DPP10: variants seen among roughly 807,000 people sequenced by gnomAD.
DPP10 encodes the protein inactive dipeptidyl peptidase 10.
DPP10 carries 33 observed loss-of-function variants against 120.9 expected under a neutral mutation model. The ratio of observed to expected loss-of-function variants is 0.27; its 90% confidence interval spans 0.21 to 0.37. The LOEUF (loss-of-function observed/expected upper bound fraction) is 0.37, where lower values mean the gene tolerates loss of function less well. Among genes scored for constraint, DPP10 ranks in the 10% least tolerant of loss-of-function variants. The pLI is 1.00. For synonymous variants in DPP10, 337 were observed against 326.1 expected (o/e 1.03, Z -0.36); for missense variants, 816 against 942.8 (o/e 0.87, Z 1.76).
chr2:115,807,537 CATT>C (rs1262322994), intron 19 of DPP10, among the ~76,000 whole-genome samples: 2 of 152,096 alleles, frequency 1.3e-5, no homozygotes, highest in Non-Finnish European at 2.9e-5. Flanking sequence ...TCATGATGGT[CATT>C]ATGCAGTTTT....
At chr2:115,374,408 C>G (rs1221601387) in intron 3 of DPP10, among the ~76,000 whole-genome samples, 1 of 152,184 alleles carries the variant, frequency 6.6e-6, no homozygotes, top group East Asian at 1.9e-4. Flanking sequence ...CAGGATACAG[C>G]CCTTTGGCTG....
intron 4 of DPP10, among the ~76,000 whole-genome samples, chr2:115,511,752 G>A (rs1333807170): frequency 1.5e-5 from 2 of 129,246 alleles, no homozygotes; most frequent in Non-Finnish European, 1.6e-5. Context: ...TTTTGACACA[G>A]GGTCTCACTC....
At chr2:115,055,346 T>G (rs7601518) in intron 1 of DPP10, among the ~76,000 whole-genome samples, 38,485 of 152,066 alleles carry the variant, frequency 0.25, 5,525 homozygotes, top group East Asian at 0.32. Flanking sequence ...TAATAAAACT[T>G]ACTCCAAAGA....
intron 1 of DPP10, among the ~76,000 whole-genome samples, chr2:114,767,632 A>G (rs1411766098): frequency 6.6e-6 from 1 of 152,204 alleles, no homozygotes; most frequent in Non-Finnish European, 1.5e-5. Flanking sequence ...GCTGCACATC[A>G]TAATTTCCAT....
chr2:115,378,164 A>G (rs2065966855), intron 3 of DPP10, among the ~76,000 whole-genome samples: 1 of 152,236 alleles, frequency 6.6e-6, no homozygotes, highest in African/African-American at 2.4e-5. Context: ...TTTTCACGCT[A>G]TTGATTCTTC....
intron 1 of DPP10, among the ~76,000 whole-genome samples, chr2:114,479,673 T>C (rs1680841484): frequency 6.6e-6 from 1 of 152,154 alleles, no homozygotes; most frequent in South Asian, 2.1e-4. Context: ...TATAGAAAGC[T>C]GAAACTGAAC....
At position 115,376,542 on chromosome 2, in the gene DPP10, T is replaced by A. The variant is rs180746066; in HGVS notation, c.271+32630T>A. Among the ~76,000 whole-genome samples, 1,354 of 151,228 alleles carry A rather than the reference T, an allele frequency of 9.0e-3. 12 individuals carry two copies. The highest frequency in any genetic ancestry group is 0.013 in the South Asian group (63 of 4,772). On this transcript the variant is annotated intron_variant, in intron 3 of 25. Coordinates refer to ENST00000410059, the MANE Select transcript of DPP10 (RefSeq NM_020868.6). ...CTAATAGTCCCTTTCTTTTTTTTTT[T>A]AAATTTTATTTATTTATTATTATTA...
At chr2:114,678,935 C>T (rs181851670) in intron 1 of DPP10, among the ~76,000 whole-genome samples, 118 of 152,130 alleles carry the variant, frequency 7.8e-4, no homozygotes, top group Middle Eastern at 3.4e-3. Context: ...CACACGGATG[C>T]GTCTCTTTGA....
At chr2:114,989,276 T>C (rs771238889) in intron 1 of DPP10, among the ~76,000 whole-genome samples, 34 of 152,240 alleles carry the variant, frequency 2.2e-4, no homozygotes, top group Non-Finnish European at 4.4e-4. Flanking sequence ...GGTTCTCTTA[T>C]ATTTTATGAA....
intron 1 of DPP10, among the ~76,000 whole-genome samples, chr2:114,631,389 A>G (rs1053605352): frequency 1.3e-5 from 2 of 152,150 alleles, no homozygotes; most frequent in Non-Finnish European, 2.9e-5. Flanking sequence ...TCTATCCTGA[A>G]GAAACCTGTG....
chr2:115,384,342 C>T (rs542691732), intron 3 of DPP10, among the ~76,000 whole-genome samples: 3 of 151,534 alleles, frequency 2.0e-5, no homozygotes, highest in African/African-American at 2.4e-5. Context: ...TGACTGCACT[C>T]CAGCCTAGAT....
At chr2:115,095,580 T>TTG (rs369634072) in intron 1 of DPP10, among the ~76,000 whole-genome samples, 6,422 of 103,670 alleles carry the variant, frequency 0.062, 201 homozygotes, top group Middle Eastern at 0.15. Flanking sequence ...TTTGGTTTTT[T>TTG]TTTTGTTTTT....
At chr2:114,962,768 A>G (rs1698741383) in intron 1 of DPP10, among the ~76,000 whole-genome samples, 1 of 152,220 alleles carries the variant, frequency 6.6e-6, no homozygotes, top group Non-Finnish European at 1.5e-5. Context: ...AAGGGTTGCA[A>G]AATGATTTGT....
At chr2:115,475,790 G>T (rs1224847235) in intron 3 of DPP10, among the ~76,000 whole-genome samples, 2 of 152,156 alleles carry the variant, frequency 1.3e-5, no homozygotes, top group African/African-American at 4.8e-5. Flanking sequence ...AATCAAAGAA[G>T]ATTATTTTGG....
intron 3 of DPP10, among the ~76,000 whole-genome samples, chr2:115,393,820 T>A (rs2067484581): frequency 6.6e-6 from 1 of 152,178 alleles, no homozygotes; most frequent in South Asian, 2.1e-4. Flanking sequence ...ATACCAAGCA[T>A]GAATTGGAGT....
chr2:114,952,406 A>G (rs2104651481), intron 1 of DPP10, among the ~76,000 whole-genome samples: 1 of 152,290 alleles, frequency 6.6e-6, no homozygotes, highest in East Asian at 1.9e-4. Context: ...AAACATTAAC[A>G]TGTTAGATAC....
intron 5 of DPP10, among the ~76,000 whole-genome samples, chr2:115,628,111 G>A (rs1205145318): frequency 6.6e-6 from 1 of 152,018 alleles, no homozygotes; most frequent in Admixed American, 6.6e-5. Context: ...CTTCCACAGT[G>A]GTTGAACTGA....
chr2:115,632,246 T>G (rs1352176019), intron 5 of DPP10, among the ~76,000 whole-genome samples: 1 of 152,188 alleles, frequency 6.6e-6, no homozygotes, highest in East Asian at 1.9e-4. Context: ...CTTGCTATAT[T>G]CTGCTTTCCA....
chr2:114,497,599 A>T (rs1682791847), intron 1 of DPP10, among the ~76,000 whole-genome samples: 1 of 152,094 alleles, frequency 6.6e-6, no homozygotes, highest in East Asian at 1.9e-4. Flanking sequence ...CAGAGATAGC[A>T]TCTCAGTTAA....
Sources: allele counts gnomAD v4.1 joint callset (sites outside exome capture counted in the v4.1 genomes callset), GRCh38; gene constraint gnomAD v4.1.1; transcripts MANE v1.5; gene names NCBI Gene and HGNC (gene_info 2026-07-23, HGNC 2026-07-21).